The following WDR37 variants were observed in gnomAD, a reference collection of about 807,000 sequenced individuals.
WDR37 encodes WD repeat domain 37.
WDR37 carries 19 observed loss-of-function variants against 62.9 expected under a neutral mutation model. The ratio of observed to expected loss-of-function variants is 0.30; its 90% CI spans 0.21 to 0.44. The LOEUF is 0.44. Ranked by LOEUF, WDR37 falls within the 20% of genes least tolerant of loss-of-function variation. The pLI, the probability that WDR37 is intolerant of heterozygous loss-of-function variation, is 1.00. For missense variants in WDR37, 474 were observed against 657.6 expected, an observed-to-expected ratio of 0.72 and a Z score of 3.05; for synonymous variants, 250 against 260.9, an observed-to-expected ratio of 0.96 and a Z score of 0.40.
chr10:1,074,669 G>C (rs1029196305), intron 2 of WDR37, among the ~76,000 whole-genome samples: 6 of 152,240 alleles, frequency 3.9e-5, no homozygotes, highest in African/African-American at 1.4e-4. Context: ...GGCGATCTCA[G>C]AACAGGGAGG....
intron 11 of WDR37, among the ~76,000 whole-genome samples, chr10:1,108,714 T>G: frequency 6.7e-6 from 1 of 148,560 alleles, no homozygotes. Context: ...ATCCCTGTGG[T>G]TGCTTTGGTT....
At chr10:1,074,607 G>C (rs41313808) in intron 2 of WDR37, 2 of 1,077,106 alleles carry the variant, frequency 1.9e-6, no homozygotes, top group African/African-American at 3.3e-5. Flanking sequence ...GCCGTGGGCG[G>C]GAGAGAGCTG....
In WDR37 at chr10:1,072,120, T is replaced by G. The variant is rs1039319558; in HGVS notation, c.-36T>G. On this transcript the variant is annotated 5_prime_UTR_variant, in exon 2 of 14. Transcript: ENST00000263150. ...GTTTTTTCTTGCTGTTTTTAGCTTA[T>G]TGCAGGAGTGACCAGGACACTACCT... The G allele has an allele frequency of 2.5e-6, 4 of 1,611,406 alleles. No homozygotes were observed. The South Asian group carries it at 4.4e-5, about 18-fold the overall frequency.
intron 2 of WDR37, among the ~76,000 whole-genome samples, chr10:1,075,736 G>A (rs1833860191): frequency 6.6e-6 from 1 of 151,744 alleles, no homozygotes. Context: ...AATACTAATA[G>A]TGATTCTCAG....
intron 8 of WDR37, among the ~76,000 whole-genome samples, chr10:1,094,981 C>T (rs1039291887): frequency 7.1e-5 from 10 of 141,330 alleles, no homozygotes; most frequent in African/African-American, 2.7e-4. Context: ...GACTGAGAAA[C>T]GTGAGGTGAT....
At chr10:1,086,503 C>G in intron 7 of WDR37, 146 bp downstream of exon 7, 1 of 618,780 alleles carries the variant, frequency 1.6e-6, no homozygotes, top group Non-Finnish European at 2.9e-6. Flanking sequence ...TGTTCAGAGA[C>G]TGGGATAACT....
Position 1,130,622 on chromosome 10 carries a change from G to A in WDR37, c.*1278G>A, listed in dbSNP as rs575618557. 1.3e-5 allele frequency: 2 copies of A among 152,324 alleles called. No homozygotes were observed. The highest frequency in any genetic ancestry group is 4.1e-4 in the South Asian group (2 of 4,826). The allele number at this position is 152,324 out of a possible 1,614,324, so 9.4% of individuals were successfully genotyped here. On this transcript the variant is annotated 3_prime_UTR_variant, in exon 14 of 14. Transcript: ENST00000263150. The stretch of plus-strand genomic sequence containing the variant: ...TCATTTCCTGTGTCTTGTATATTCA[G>A]TCCTTTCAATACGTCCACCTGGAGG...
chr10:1,089,617 ACCTTCCCATGCTCACCCACAATTCAG>A (rs1834315034), intron 7 of WDR37, among the ~76,000 whole-genome samples: 2 of 125,204 alleles, frequency 1.6e-5, no homozygotes, highest in African/African-American at 5.7e-5. Flanking sequence ...CCACAATTCA[ACCTTCCCATGCTCACCCACAATTCAG>A]CCTTCCCGTG....
At chr10:1,126,590 C>G (rs1010759547) in intron 13 of WDR37, among the ~76,000 whole-genome samples, 1 of 152,180 alleles carries the variant, frequency 6.6e-6, no homozygotes, top group African/African-American at 2.4e-5. Flanking sequence ...CAGGGCCACA[C>G]GCCTGCCGGC....
chr10:1,129,109 A>G (rs1356325349), intron 13 of WDR37, 104 bp from the exon 14 acceptor site: 22 of 1,504,830 alleles, frequency 1.5e-5, no homozygotes, highest in Admixed American at 5.8e-5. Flanking sequence ...TTGTTTTCCT[A>G]TAACTTACGT....
intron 11 of WDR37, among the ~76,000 whole-genome samples, chr10:1,112,013 T>C (rs1835233410): frequency 6.6e-6 from 1 of 152,126 alleles, no homozygotes; most frequent in African/African-American, 2.4e-5. Flanking sequence ...GCGATTCCCC[T>C]GCCTCAGCCT....
intron 5 of WDR37, 113 bp downstream of exon 5, chr10:1,080,589 T>G: frequency 7.8e-7 from 1 of 1,287,734 alleles, no homozygotes; most frequent in Non-Finnish European, 1.1e-6. Flanking sequence ...GATAAATGGT[T>G]TTAAGGGAAA....
chr10:1,128,686 C>T (rs571979366), intron 13 of WDR37, among the ~76,000 whole-genome samples: 2 of 152,350 alleles, frequency 1.3e-5, no homozygotes, highest in South Asian at 4.1e-4. Context: ...TAATCTTACT[C>T]ATTTTCTTAA....
intron 2 of WDR37, among the ~76,000 whole-genome samples, chr10:1,074,197 A>C (rs1833801203): frequency 6.6e-6 from 1 of 152,090 alleles, no homozygotes. Flanking sequence ...AGGTTTTCCT[A>C]ATTTGTAGGT....
At chr10:1,065,406 CAG>C (rs111893857) in intron 1 of WDR37, among the ~76,000 whole-genome samples, 1,892 of 152,002 alleles carry the variant, frequency 0.012, 43 homozygotes, top group African/African-American at 0.043. Flanking sequence ...CAGGCAAACT[CAG>C]AAATACTGTA....
chr10:1,084,182 C>T (rs575596103), intron 5 of WDR37, among the ~76,000 whole-genome samples: 2 of 152,272 alleles, frequency 1.3e-5, no homozygotes, highest in Admixed American at 6.5e-5. Context: ...CTGCACAGGT[C>T]GCCGCGAGAG....
At chr10:1,104,396 A>G (rs1267426895) in intron 10 of WDR37, among the ~76,000 whole-genome samples, 1 of 152,228 alleles carries the variant, frequency 6.6e-6, no homozygotes, top group Non-Finnish European at 1.5e-5. Context: ...GCCCCTGCAC[A>G]GGGCTTGCCT....
At chr10:1,129,052 T>C (rs542889380) in intron 13 of WDR37, among the ~76,000 whole-genome samples, 161 bp from the exon 14 acceptor site, 2 of 151,216 alleles carry the variant, frequency 1.3e-5, no homozygotes, top group East Asian at 1.9e-4. Flanking sequence ...GGTCCATGCT[T>C]GGTGGTCCGT....
intron 13 of WDR37, among the ~76,000 whole-genome samples, chr10:1,127,497 C>T (rs1380250393): frequency 6.6e-6 from 1 of 152,194 alleles, no homozygotes; most frequent in Non-Finnish European, 1.5e-5. Flanking sequence ...AGCTGACTGA[C>T]TTGAAAAAGA....
Sources: allele counts gnomAD v4.1 joint callset (sites outside exome capture counted in the v4.1 genomes callset), GRCh38; gene constraint gnomAD v4.1.1; transcripts MANE v1.5; gene names NCBI Gene and HGNC (gene_info 2026-07-23, HGNC 2026-07-21).